Variants in NTM observed in about 807,000 individuals in gnomAD.
The protein encoded by NTM is neurotrimin.
In NTM, 13 loss-of-function variants were observed where a neutral mutation model predicts 42.1. That is an observed-to-expected ratio of 0.31 (90% CI 0.20 to 0.49). The LOEUF (loss-of-function observed/expected upper bound fraction) is 0.49, where lower values mean the gene tolerates loss of function less well. NTM is among the 20% of genes least tolerant of loss of function. The probability of loss-of-function intolerance (pLI) is 0.99; values close to 1 mark genes in which losing one functional copy is unlikely to be tolerated. For synonymous variants in NTM, 187 were observed against 179.2 expected (o/e 1.04, Z -0.35); for missense variants, 373 against 452.8 (o/e 0.82, Z 1.60).
At chr11:131,542,224 A>G (rs531485388) in intron 1 of NTM, among the ~76,000 whole-genome samples, 1 of 152,352 alleles carries the variant, frequency 6.6e-6, no homozygotes, top group African/African-American at 2.4e-5. Flanking sequence ...CGGAAGGTCA[A>G]GAAGGCCTCA....
intron 1 of NTM, among the ~76,000 whole-genome samples, chr11:131,703,234 C>A (rs929560752): frequency 6.6e-5 from 10 of 152,128 alleles, no homozygotes; most frequent in African/African-American, 1.9e-4. Context: ...ACTCTCTTCA[C>A]AAAGAGATGA....
intron 1 of NTM, among the ~76,000 whole-genome samples, chr11:131,669,279 G>A (rs2069672611): frequency 6.6e-6 from 1 of 152,210 alleles, no homozygotes; most frequent in African/African-American, 2.4e-5. Flanking sequence ...AGGAAATAGA[G>A]GTTAAGAGGT....
rs1292359439 is a variant in NTM, at chr11:131,873,636, CA to C, written c.83-37927del. Among the ~76,000 whole-genome samples, 54 of 107,554 alleles carry C rather than the reference CA, an allele frequency of 5.0e-4. 2 individuals carry two copies. Among genetic ancestry groups the C allele is most frequent in the African/African-American group, 1.4e-3 (26 of 19,040 alleles). 70.6% of individuals were successfully genotyped at this position (107,554 alleles called of 152,430 possible). On this transcript the variant is annotated intron_variant, in intron 1 of 8. Transcript: ENST00000683400. ...CCGTATATATATACATATATATATA[CA>C]CATATATATATACACACATATATAT... is the stretch of plus-strand genomic sequence containing the variant.
chr11:132,044,594 A>T (rs1007037045), intron 2 of NTM, among the ~76,000 whole-genome samples: 1 of 152,104 alleles, frequency 6.6e-6, no homozygotes, highest in African/African-American at 2.4e-5. Context: ...GAGGGAAGCA[A>T]CAAGCTGCCC....
chr11:131,479,328 C>T (rs747269821), intron 1 of NTM, among the ~76,000 whole-genome samples: 8 of 152,134 alleles, frequency 5.3e-5, no homozygotes, highest in Non-Finnish European at 1.2e-4. Context: ...ATATTCCAGA[C>T]AGACAGAACC....
At chr11:131,708,469 T>C (rs959065644) in intron 1 of NTM, among the ~76,000 whole-genome samples, 1 of 152,136 alleles carries the variant, frequency 6.6e-6, no homozygotes, top group Admixed American at 6.5e-5. Flanking sequence ...AAAAAGCAAT[T>C]TGGCTGCATG....
chr11:131,483,882 C>T (rs971162528), intron 1 of NTM, among the ~76,000 whole-genome samples: 1 of 152,234 alleles, frequency 6.6e-6, no homozygotes, highest in Non-Finnish European at 1.5e-5. Context: ...CTGGCGCTGC[C>T]GGCCTTGGCA....
chr11:131,452,908 C>T (rs908350142), intron 1 of NTM, among the ~76,000 whole-genome samples: 4 of 152,096 alleles, frequency 2.6e-5, no homozygotes, highest in Non-Finnish European at 5.9e-5. Flanking sequence ...AGGGAATGGC[C>T]ATCTTCATGG....
intron 2 of NTM, among the ~76,000 whole-genome samples, chr11:131,988,314 G>A (rs2066423460): frequency 6.6e-6 from 1 of 152,180 alleles, no homozygotes; most frequent in African/African-American, 2.4e-5. Context: ...GAAGGTTATT[G>A]TCTGATTAAA....
intron 2 of NTM, among the ~76,000 whole-genome samples, chr11:131,959,288 G>A (rs181868719): frequency 1.1e-4 from 16 of 152,244 alleles, no homozygotes; most frequent in Admixed American, 9.8e-4. Flanking sequence ...CATGGAGGGA[G>A]ACACCATTTC....
At chr11:131,609,034 G>A (rs550448868) in intron 1 of NTM, among the ~76,000 whole-genome samples, 17 of 152,264 alleles carry the variant, frequency 1.1e-4, no homozygotes, top group Admixed American at 7.8e-4. Context: ...AGGCCTATTC[G>A]CATGCCCAAC....
chr11:132,144,680 T>C (rs960047307), intron 2 of NTM, among the ~76,000 whole-genome samples: 1 of 152,200 alleles, frequency 6.6e-6, no homozygotes, highest in African/African-American at 2.4e-5. Context: ...CTAATATAAG[T>C]AGTCCATGAG....
intron 1 of NTM, among the ~76,000 whole-genome samples, chr11:131,706,474 A>T (rs183121194): frequency 1.0e-3 from 153 of 152,162 alleles, no homozygotes; most frequent in Non-Finnish European, 1.8e-3. Flanking sequence ...AGCATAATAG[A>T]TTAAAGGGAT....
At chr11:131,835,445 T>C (rs535013209) in intron 1 of NTM, among the ~76,000 whole-genome samples, 1 of 152,218 alleles carries the variant, frequency 6.6e-6, no homozygotes, top group South Asian at 2.1e-4. Context: ...AGAAGAAAGA[T>C]TTAAACAAGC....
intron 4 of NTM, among the ~76,000 whole-genome samples, chr11:132,302,690 T>A (rs544148382): frequency 6.6e-6 from 1 of 152,240 alleles, no homozygotes; most frequent in South Asian, 2.1e-4. Flanking sequence ...AGGCCTTCAA[T>A]CGCATTGGAA....
At chr11:131,997,563 A>T (rs955944653) in intron 2 of NTM, among the ~76,000 whole-genome samples, 2 of 152,174 alleles carry the variant, frequency 1.3e-5, no homozygotes, top group African/African-American at 4.8e-5. Flanking sequence ...TGGCTGGATA[A>T]AAAGGTGTTC....
At chr11:131,702,790 G>T (rs1214580468) in intron 1 of NTM, among the ~76,000 whole-genome samples, 1 of 152,126 alleles carries the variant, frequency 6.6e-6, no homozygotes, top group African/African-American at 2.4e-5. Context: ...CTGTAAAATT[G>T]AAAAATAATA....
At position 132,278,743 on chromosome 11, in the gene NTM, T is replaced by TTCTCTCTCTCTC. The variant is rs66748602; in HGVS notation, c.527-28916_527-28905dup. 9.8e-3 allele frequency among the ~76,000 whole-genome samples: 1,353 copies of TTCTCTCTCTCTC among 137,974 alleles called. 26 individuals carry two copies. Among genetic ancestry groups the TTCTCTCTCTCTC allele is most frequent in the East Asian group, 0.032 (133 of 4,160 alleles). 90.5% of individuals were successfully genotyped at this position (137,974 alleles called of 152,430 possible). On this transcript the variant is annotated intron_variant, in intron 4 of 8. Transcript: ENST00000683400. ...TGTCTTTCTTAACCTTCATTTGGGCTTCTCTCTCTCTCTCTCTCTCTCTCT... is the reference window on the plus strand; with the variant it reads ...TGTCTTTCTTAACCTTCATTTGGGCTTCTCTCTCTCTCTCTCTCTCTCTCTCTCTCTCTCTCT...
At chr11:132,194,736 G>A (rs976048146) in intron 3 of NTM, among the ~76,000 whole-genome samples, 1 of 150,402 alleles carries the variant, frequency 6.6e-6, no homozygotes, top group African/African-American at 2.4e-5. Flanking sequence ...TCTGCCAAAA[G>A]CCTCCTAGAA....
Sources: allele counts gnomAD v4.1 joint callset (sites outside exome capture counted in the v4.1 genomes callset), GRCh38; gene constraint gnomAD v4.1.1; transcripts MANE v1.5; gene names NCBI Gene and HGNC (gene_info 2026-07-23, HGNC 2026-07-21).